The following POLA1 variants were observed in gnomAD, a reference collection of about 807,000 sequenced individuals.
POLA1 encodes DNA polymerase alpha catalytic subunit.
POLA1 carries 15 observed loss-of-function variants against 124.0 expected under a neutral mutation model. That is an observed-to-expected ratio of 0.12 (90% confidence interval 0.08 to 0.19). The LOEUF is 0.19. Among genes scored for constraint, POLA1 ranks in the 10% least tolerant of loss-of-function variants. The probability of loss-of-function intolerance (pLI) is 1.00; values close to 1 mark genes in which losing one functional copy is unlikely to be tolerated. For synonymous variants in POLA1, 408 were observed against 389.4 expected (o/e 1.05, Z -0.56); for missense variants, 886 against 1,103.4 (o/e 0.80, Z 2.79).
chrX:24,772,624 T>C (rs961443081), intron 26 of POLA1, among the ~76,000 whole-genome samples: 24 of 110,890 alleles, frequency 2.2e-4, no homozygotes, highest in African/African-American at 7.2e-4. Flanking sequence ...CTACCACTTA[T>C]AAGTGAGAAC....
At chrX:24,801,924 GGTGTGTGTGT>G (rs35938897) in intron 26 of POLA1, among the ~76,000 whole-genome samples, 126 of 74,541 alleles carry the variant, frequency 1.7e-3, no homozygotes, top group Admixed American at 3.1e-3. Context: ...GAGGTGGGTG[GGTGTGTGTGT>G]GTGTGTGTGT....
rs759694107 is a variant in POLA1 at position 24,991,101 on chromosome X, C to G, written c.4262-4704C>G. 4.5e-5 allele frequency among the ~76,000 whole-genome samples: 5 copies of G among 111,118 alleles called. No individual in the cohort carries two copies. In the South Asian group the frequency reaches 1.9e-3, roughly 42 times the overall value. On this transcript the variant is annotated intron_variant, in intron 36 of 36. Transcript: ENST00000379068. The stretch of plus-strand genomic sequence containing the variant: ...TTGTCTTCCAGCATTTAACCCGAGT[C>G]CCCTCTTTCGTTTGATCTTCTAACT...
chrX:24,758,215 T>G (rs1277453318), intron 26 of POLA1, among the ~76,000 whole-genome samples: 2 of 111,289 alleles, frequency 1.8e-5, no homozygotes, highest in African/African-American at 3.3e-5. Flanking sequence ...ATAAACAATA[T>G]ATACTTATAT....
At chrX:24,956,154 G>T (rs2048103438) in intron 36 of POLA1, among the ~76,000 whole-genome samples, 1 of 108,792 alleles carries the variant, frequency 9.2e-6, no homozygotes, top group African/African-American at 3.3e-5. Flanking sequence ...GAGCATGGTG[G>T]CACATGCCTA....
intron 34 of POLA1, among the ~76,000 whole-genome samples, chrX:24,864,542 ACT>A (rs901475738): frequency 9.0e-6 from 1 of 111,193 alleles, no homozygotes; most frequent in Admixed American, 9.5e-5. Flanking sequence ...CTTTCCACAG[ACT>A]CTATCATCCA....
At position 24,745,360 on chromosome X, in the gene POLA1, A is replaced by G. The variant is rs1473089404; in HGVS notation, c.2567-58A>G. On this transcript the variant is annotated intron_variant, in intron 23 of 36. Coordinates refer to ENST00000379068, the MANE Select transcript of POLA1 (RefSeq NM_001330360.2). Reference sequence around the variant, plus strand: ...TATACTTACAGTGCTTTTAATAATGATGTTTTGACAATTCTGCTTTTCTTT... The same window carrying G: ...TATACTTACAGTGCTTTTAATAATGGTGTTTTGACAATTCTGCTTTTCTTT... 4.6e-6 allele frequency: 4 copies of G among 864,671 alleles called. No homozygotes were observed. In the Admixed American group the frequency reaches 8.8e-5, roughly 19 times the overall value. The allele number at this position is 864,671 out of a possible 1,213,427, so 71.3% of individuals were successfully genotyped here.
intron 34 of POLA1, among the ~76,000 whole-genome samples, chrX:24,887,543 A>T (rs1258646525): frequency 8.9e-6 from 1 of 112,381 alleles, no homozygotes; most frequent in African/African-American, 3.2e-5. Flanking sequence ...GTATACGGTA[A>T]GTACTGTGGT....
At chrX:24,851,477 G>A (rs1353592399) in intron 34 of POLA1, among the ~76,000 whole-genome samples, 1 of 112,956 alleles carries the variant, frequency 8.9e-6, no homozygotes, top group Non-Finnish European at 1.9e-5. Flanking sequence ...AAGAGCCTTC[G>A]CTATTCGCAT....
intron 34 of POLA1, among the ~76,000 whole-genome samples, chrX:24,870,500 A>T (rs1450481441): frequency 8.9e-6 from 1 of 111,908 alleles, no homozygotes; most frequent in Non-Finnish European, 1.9e-5. Context: ...GTTCCCAGGG[A>T]AGAAGAGTTG....
At chrX:24,986,785 G>A (rs895876647) in intron 36 of POLA1, among the ~76,000 whole-genome samples, 17 of 110,048 alleles carry the variant, frequency 1.5e-4, no homozygotes, top group Admixed American at 1.5e-3. Flanking sequence ...TTAAAAGTCT[G>A]CCTTTGACTT....
At chrX:24,750,364 G>C (rs1932260589) in intron 26 of POLA1, among the ~76,000 whole-genome samples, 1 of 112,876 alleles carries the variant, frequency 8.9e-6, no homozygotes, top group African/African-American at 3.2e-5. Context: ...GTGAGCACTT[G>C]GTATCTGGCT....
intron 35 of POLA1, among the ~76,000 whole-genome samples, chrX:24,906,324 A>G (rs993872555): frequency 1.8e-5 from 2 of 112,490 alleles, no homozygotes; most frequent in Admixed American, 1.9e-4. Flanking sequence ...CTACTCAGCC[A>G]TCAAACGAAA....
chrX:24,962,766 A>C (rs1207493725), intron 36 of POLA1, among the ~76,000 whole-genome samples: 1 of 111,882 alleles, frequency 8.9e-6, no homozygotes, highest in Non-Finnish European at 1.9e-5. Flanking sequence ...CAGCCTTTGC[A>C]CTTGTTACTA....
intron 36 of POLA1, among the ~76,000 whole-genome samples, chrX:24,971,218 G>A (rs2048298388): frequency 8.9e-6 from 1 of 111,743 alleles, no homozygotes; most frequent in African/African-American, 3.3e-5. Flanking sequence ...AGTGTCGATG[G>A]GTCTGTTCAA....
intron 19 of POLA1, among the ~76,000 whole-genome samples, chrX:24,738,219 CAAAAAAAAAA>C (rs755084911): frequency 5.3e-4 from 6 of 11,247 alleles, no homozygotes; most frequent in East Asian, 0.011. Flanking sequence ...GACTCCGTCT[CAAAAAAAAAA>C]AAAAAAAAAA....
intron 15 of POLA1, among the ~76,000 whole-genome samples, chrX:24,732,018 G>A (rs747576419): frequency 3.6e-5 from 4 of 111,932 alleles, no homozygotes; most frequent in African/African-American, 9.7e-5. Context: ...GCAGTGGTGC[G>A]ATCTCAGTTC....
At chrX:24,935,134 C>T (rs2047832529) in intron 36 of POLA1, among the ~76,000 whole-genome samples, 2 of 111,522 alleles carry the variant, frequency 1.8e-5, no homozygotes, top group African/African-American at 6.5e-5. Context: ...ACCCTAATGA[C>T]CTCATTTTAA....
At chrX:24,931,287 G>T (rs954227760) in intron 36 of POLA1, among the ~76,000 whole-genome samples, 4 of 111,119 alleles carry the variant, frequency 3.6e-5, no homozygotes, top group Non-Finnish European at 5.7e-5. Flanking sequence ...CCTACAGAGT[G>T]TTTATGTTGT....
At chrX:24,705,456 C>A (rs1195201639) in intron 4 of POLA1, among the ~76,000 whole-genome samples, 2 of 111,526 alleles carry the variant, frequency 1.8e-5, no homozygotes, top group Non-Finnish European at 3.8e-5. Context: ...CTCCTTCCAA[C>A]CACATACACA....
Sources: allele counts gnomAD v4.1 joint callset (sites outside exome capture counted in the v4.1 genomes callset), GRCh38; gene constraint gnomAD v4.1.1; transcripts MANE v1.5; gene names NCBI Gene and HGNC (gene_info 2026-07-23, HGNC 2026-07-21).